The following TRIP4 variants were observed in gnomAD, a reference collection of about 807,000 sequenced individuals.
TRIP4 encodes the protein thyroid hormone receptor interactor 4, also known as activating signal cointegrator 1.
TRIP4 carries 54 observed loss-of-function variants against 81.8 expected under a neutral mutation model. That is an observed-to-expected ratio of 0.66 (90% confidence interval 0.53 to 0.83). The LOEUF (loss-of-function observed/expected upper bound fraction) is 0.83. TRIP4 is among the 40% of genes least tolerant of loss of function. TRIP4 has a pLI of 0.00. For synonymous variants in TRIP4, 270 were observed against 242.8 expected (o/e 1.11, Z -1.04); for missense variants, 662 against 683.6 (o/e 0.97, Z 0.35).
intron 4 of TRIP4, among the ~76,000 whole-genome samples, chr15:64,400,489 T>C (rs961168971): frequency 3.2e-5 from 4 of 125,654 alleles, no homozygotes; most frequent in African/African-American, 8.3e-5. Context: ...TTTTTTTTTT[T>C]CTAAACCATT....
intron 8 of TRIP4, among the ~76,000 whole-genome samples, chr15:64,417,366 G>T (rs1490100384): frequency 6.6e-6 from 1 of 151,768 alleles, no homozygotes; most frequent in Non-Finnish European, 1.5e-5. Flanking sequence ...GGCTGGCCTT[G>T]AACTTATGGG....
chr15:64,400,456 A>G lies in TRIP4; in HGVS notation c.619-287A>G, dbSNP rs12899002. ...CCCAAAGTGCTGGGATTACAGTCATAAGCCACTGTGCCCAGCCTTTTTTTT... is the reference window on the plus strand; with the variant it reads ...CCCAAAGTGCTGGGATTACAGTCATGAGCCACTGTGCCCAGCCTTTTTTTT... On this transcript the variant is annotated intron_variant, in intron 4 of 12. Coordinates refer to ENST00000261884, the MANE Select transcript of TRIP4 (RefSeq NM_016213.5). Among the ~76,000 whole-genome samples the G allele has an allele frequency of 0.96, 143,426 of 149,908 alleles. 68,848 individuals carry two copies. The highest frequency in any genetic ancestry group is 1 in the East Asian group (4,917 of 4,920).
chr15:64,409,636 A>T lies in TRIP4; in HGVS notation c.851A>T (p.Asp284Val), dbSNP rs931706611. The change falls in exon 7 of 13, where the codon GAT becomes GTT. Residue 284 changes from aspartate to valine, a missense_variant. Transcript: ENST00000261884. ...RTSIRRTQVI[D>V]DESDYFASDS... ...AGTATTCGAAGGACCCAAGTCATTG[A>T]TGATGAGTCAGATTACTTTGCCAGT... The T allele has an allele frequency of 9.3e-6, 15 of 1,614,092 alleles. No individual in the cohort carries two copies. Among genetic ancestry groups the T allele is most frequent in the Non-Finnish European group, 1.3e-5 (15 of 1,180,036 alleles).
chr15:64,431,042 T>G (rs1428224694), intron 11 of TRIP4, among the ~76,000 whole-genome samples: 1 of 152,128 alleles, frequency 6.6e-6, no homozygotes, highest in Non-Finnish European at 1.5e-5. Context: ...CAAGTATCAC[T>G]TCGTTTGTGG....
intron 11 of TRIP4, among the ~76,000 whole-genome samples, chr15:64,443,948 C>T (rs74826126): frequency 1.5e-3 from 232 of 152,268 alleles, no homozygotes; most frequent in Middle Eastern, 6.8e-3. Flanking sequence ...TAGTAAAAAT[C>T]CCTTCTGTTT....
intron 12 of TRIP4, chr15:64,450,855 TTTCATAATCA>T (rs1892742870): frequency 2.7e-6 from 1 of 368,642 alleles, no homozygotes; most frequent in Non-Finnish European, 5.7e-6. Context: ...ACTTGAGGGC[TTTCATAATCA>T]TACTGGAGTT....
chr15:64,445,474 CA>C (rs35637313), intron 12 of TRIP4, among the ~76,000 whole-genome samples: 108,128 of 131,046 alleles, frequency 0.83, 46,339 homozygotes, highest in Non-Finnish European at 0.94. Context: ...CTAAGATTAC[CA>C]AAAAAAAAAA....
intron 6 of TRIP4, among the ~76,000 whole-genome samples, chr15:64,406,800 G>A (rs1231776860): frequency 6.6e-6 from 1 of 152,184 alleles, no homozygotes; most frequent in Non-Finnish European, 1.5e-5. Flanking sequence ...TTTGCAAACT[G>A]TTAGGCTGGG....
intron 12 of TRIP4, chr15:64,450,884 C>A: frequency 7.2e-6 from 2 of 279,660 alleles, no homozygotes; most frequent in South Asian, 3.4e-5. Context: ...TTTCCTGAAA[C>A]GTAAAATAGG....
intron 11 of TRIP4, among the ~76,000 whole-genome samples, chr15:64,438,751 A>G (rs777492238): frequency 2.0e-5 from 3 of 152,206 alleles, no homozygotes; most frequent in Non-Finnish European, 2.9e-5. Context: ...TAGAGAAAAT[A>G]TACTTGTTTG....
At chr15:64,452,222 T>C (rs1433259701) in intron 12 of TRIP4, among the ~76,000 whole-genome samples, 2 of 152,154 alleles carry the variant, frequency 1.3e-5, no homozygotes, top group East Asian at 3.9e-4. Flanking sequence ...GCTCAAGCGA[T>C]CTGCCTGCCT....
intron 5 of TRIP4, among the ~76,000 whole-genome samples, chr15:64,404,369 G>T (rs1027620112): frequency 1.3e-5 from 2 of 151,958 alleles, no homozygotes; most frequent in Non-Finnish European, 2.9e-5. Context: ...CACCTAGGCT[G>T]GAGTGCAGTG....
At chr15:64,435,291 G>A (rs1001064675) in intron 11 of TRIP4, among the ~76,000 whole-genome samples, 1 of 151,396 alleles carries the variant, frequency 6.6e-6, no homozygotes, top group African/African-American at 2.4e-5. Context: ...GGAGGCCATG[G>A]CGGGCAGATC....
At chr15:64,428,075 T>G (rs1892188923) in intron 11 of TRIP4, among the ~76,000 whole-genome samples, 1 of 152,238 alleles carries the variant, frequency 6.6e-6, no homozygotes, top group African/African-American at 2.4e-5. Flanking sequence ...CATTATGTTT[T>G]CTTCCTGGGA....
chr15:64,440,492 C>T (rs1291316761), intron 11 of TRIP4, among the ~76,000 whole-genome samples: 1 of 150,998 alleles, frequency 6.6e-6, no homozygotes, highest in East Asian at 1.9e-4. Flanking sequence ...GAGGCTCTGC[C>T]AAGCTAACTT....
intron 7 of TRIP4, among the ~76,000 whole-genome samples, chr15:64,413,035 A>G (rs1436106992): frequency 1.3e-5 from 2 of 152,040 alleles, no homozygotes; most frequent in Non-Finnish European, 1.5e-5. Context: ...CCAGTAGGGT[A>G]CCTCTTTATA....
intron 1 of TRIP4, 143 bp from the exon 2 acceptor site, chr15:64,393,803 C>G: frequency 1.5e-6 from 1 of 663,568 alleles, no homozygotes; most frequent in Non-Finnish European, 2.2e-6. Flanking sequence ...TATCGTATTT[C>G]TAGCACCTAG....
chr15:64,404,108 T>G lies in TRIP4; in HGVS notation c.698-2222T>G, dbSNP rs986586780. ...CAGGAGACTGAGGCTGGGAATTGCT[T>G]GAACCCCGGAGGCGGAGGTTGCAGT... On this transcript the variant is annotated intron_variant, in intron 5 of 12. Coordinates refer to ENST00000261884, the MANE Select transcript of TRIP4 (RefSeq NM_016213.5). 2.6e-5 allele frequency among the ~76,000 whole-genome samples: 4 copies of G among 151,974 alleles called. No individual in the cohort carries two copies. In the South Asian group the frequency reaches 8.3e-4, roughly 31 times the overall value.
At chr15:64,412,821 C>T (rs1891798654) in intron 7 of TRIP4, among the ~76,000 whole-genome samples, 2 of 152,200 alleles carry the variant, frequency 1.3e-5, no homozygotes, top group Non-Finnish European at 2.9e-5. Flanking sequence ...GATAGGGTTC[C>T]TTCAGGGCTT....
Sources: allele counts gnomAD v4.1 joint callset (sites outside exome capture counted in the v4.1 genomes callset), GRCh38; gene constraint gnomAD v4.1.1; transcripts MANE v1.5; gene names NCBI Gene and HGNC (gene_info 2026-07-23, HGNC 2026-07-21).